Variants in DENND5B observed in about 807,000 individuals in gnomAD.
DENND5B encodes DENN domain containing 5B.
Under a neutral mutation model 140.6 loss-of-function variants are expected in DENND5B, and 34 were observed. The ratio of observed to expected loss-of-function variants is 0.24; its 90% confidence interval spans 0.18 to 0.32. DENND5B has a LOEUF of 0.32. Among genes scored for constraint, DENND5B ranks in the 10% least tolerant of loss-of-function variants. The pLI is 1.00. For missense variants in DENND5B, 1,142 were observed against 1,560.2 expected, an observed-to-expected ratio of 0.73 and a Z score of 4.52; for synonymous variants, 551 against 562.1, an observed-to-expected ratio of 0.98 and a Z score of 0.28.
chr12:31,547,606 C>T (rs529477332), intron 1 of DENND5B, among the ~76,000 whole-genome samples: 2 of 152,132 alleles, frequency 1.3e-5, no homozygotes, highest in Non-Finnish European at 2.9e-5. Flanking sequence ...TCATATTGGT[C>T]AGGCTGGTCT....
At chr12:31,508,298 A>T (rs540960988) in intron 1 of DENND5B, among the ~76,000 whole-genome samples, 3 of 152,324 alleles carry the variant, frequency 2.0e-5, no homozygotes, top group East Asian at 3.9e-4. Flanking sequence ...CACCAAAAAA[A>T]TTTTTATAAG....
At position 31,422,736 on chromosome 12, in the gene DENND5B, T is replaced by A. The variant is rs370382974; in HGVS notation, c.2470+861A>T. ...TTTTTTGTGAAATAAATGGTTATTT[T>A]ACATAAAGAAAAGCATGTGTTGTTG... On this transcript the variant is annotated intron_variant, in intron 11 of 20. Coordinates refer to ENST00000389082, the MANE Select transcript of DENND5B (RefSeq NM_144973.4). Among the ~76,000 whole-genome samples, 4 of 152,324 alleles carry A rather than the reference T, an allele frequency of 2.6e-5. No individual in the cohort carries two copies. The East Asian group carries it at 7.7e-4, about 29-fold the overall frequency.
chr12:31,513,869 A>C, intron 1 of DENND5B, among the ~76,000 whole-genome samples: 1 of 148,852 alleles, frequency 6.7e-6, no homozygotes, highest in Non-Finnish European at 1.5e-5. Flanking sequence ...ACAGGGTCTC[A>C]CTCTGTCACC....
In DENND5B at chr12:31,480,168, C is replaced by G; in HGVS notation, c.325G>C (p.Gly109Arg). The change falls in exon 3 of 21, where the codon GGT becomes CGT. Residue 109 changes from glycine to arginine, a missense_variant. By Grantham distance (125) the Gly-to-Arg change is moderately radical. This residue lies in a region of DENND5B where 708 missense variants were observed against 905.5 expected (regional missense o/e 0.78). Coordinates refer to ENST00000389082, the MANE Select transcript of DENND5B (RefSeq NM_144973.4). ...FHSFIITRED[G>R]SRTYGFVLTF... ...AGAACAAAACCATAGGTGCGAGAAC[C>G]ATCTTCCCTGGTAATTATAAATGAG... The G allele has an allele frequency of 6.2e-7, 1 of 1,605,228 alleles. No individual in the cohort carries two copies. The highest frequency in any genetic ancestry group is 8.5e-7 in the Non-Finnish European group (1 of 1,175,658).
At chr12:31,531,210 T>A (rs2139083760) in intron 1 of DENND5B, among the ~76,000 whole-genome samples, 1 of 152,340 alleles carries the variant, frequency 6.6e-6, no homozygotes, top group Middle Eastern at 3.4e-3. Context: ...TTTTTTCCTT[T>A]TTACTTTGAG....
Position 31,526,397 on chromosome 12 carries a change from G to A in DENND5B, c.128-30478C>T, listed in dbSNP as rs1591983329. ...AAGACGCTAGATAAACTCTGCATTT[G>A]ACCCAGAAAACATGTCAAATCCTAT... On this transcript the variant is annotated intron_variant, in intron 1 of 20. Transcript: ENST00000389082. Among the ~76,000 whole-genome samples, 4 of 152,276 alleles carry A rather than the reference G, an allele frequency of 2.6e-5. 1 individual carries two copies. The highest frequency in any genetic ancestry group is 2.6e-4 in the Admixed American group (4 of 15,280).
chr12:31,515,552 G>A (rs556072287), intron 1 of DENND5B, among the ~76,000 whole-genome samples: 14 of 152,202 alleles, frequency 9.2e-5, no homozygotes, highest in African/African-American at 2.4e-4. Flanking sequence ...TGTTTATTAA[G>A]TTGTACTTCT....
At chr12:31,451,278 G>T (rs968518839) in intron 5 of DENND5B, among the ~76,000 whole-genome samples, 1 of 152,066 alleles carries the variant, frequency 6.6e-6, no homozygotes, top group Non-Finnish European at 1.5e-5. Context: ...AGTATTAACA[G>T]ATTTGGAAAA....
At position 31,576,171 on chromosome 12, in the gene DENND5B, C is replaced by T. The variant is rs369280611; in HGVS notation, c.127+14535G>A. On this transcript the variant is annotated intron_variant, in intron 1 of 20. Transcript: ENST00000389082. ...AAAAAAAAAAAAAGAAGAATGAGGC[C>T]GCGCGCACAGGGGCTCACACCTGTA... Among the ~76,000 whole-genome samples the T allele has an allele frequency of 1.5e-3, 195 of 130,678 alleles. 6 individuals are homozygous for T. The East Asian group carries it at 0.016, about 11-fold the overall frequency. The allele number at this position is 130,678 out of a possible 152,430, so 85.7% of individuals were successfully genotyped here.
chr12:31,459,641 A>T (rs77066152), intron 4 of DENND5B, among the ~76,000 whole-genome samples: 1 of 152,186 alleles, frequency 6.6e-6, no homozygotes, highest in African/African-American at 2.4e-5. Context: ...TATAACTTTA[A>T]GGTGGCATAA....
intron 1 of DENND5B, among the ~76,000 whole-genome samples, chr12:31,510,893 C>T (rs1947385697): frequency 6.6e-6 from 1 of 151,978 alleles, no homozygotes; most frequent in Non-Finnish European, 1.5e-5. Flanking sequence ...CCTACCACAC[C>T]CCTCCTTCCA....
intron 1 of DENND5B, among the ~76,000 whole-genome samples, chr12:31,511,750 G>A (rs1947426021): frequency 6.6e-6 from 1 of 151,786 alleles, no homozygotes; most frequent in African/African-American, 2.4e-5. Context: ...TGTTCGTTGA[G>A]TAAATGGATA....
At chr12:31,532,340 C>G (rs1948316017) in intron 1 of DENND5B, among the ~76,000 whole-genome samples, 5 of 152,030 alleles carry the variant, frequency 3.3e-5, no homozygotes, top group Admixed American at 2.6e-4. Flanking sequence ...GGCAAAGATA[C>G]AGGAAGAGAG....
chr12:31,461,474 AC>A (rs1195247806), intron 3 of DENND5B, among the ~76,000 whole-genome samples: 3 of 152,222 alleles, frequency 2.0e-5, no homozygotes, highest in African/African-American at 7.2e-5. Context: ...GCTGCTTTAT[AC>A]TTACATATGT....
At position 31,489,780 on chromosome 12, in the gene DENND5B, G is replaced by C. The variant is rs570095775; in HGVS notation, c.237+6030C>G. ...TATACAAGGTACTAAGAGAACCTAA[G>C]GTGACCTGAGTGCTGGGAAGACGGT... On this transcript the variant is annotated intron_variant, in intron 2 of 20. Transcript: ENST00000389082. Among the ~76,000 whole-genome samples, 9 of 152,276 alleles carry C rather than the reference G, an allele frequency of 5.9e-5. No individual in the cohort carries two copies. In the East Asian group the frequency reaches 1.7e-3, roughly 29 times the overall value.
chr12:31,420,046 C>T (rs1942950005), intron 11 of DENND5B: 18 of 984,200 alleles, frequency 1.8e-5, no homozygotes, highest in Non-Finnish European at 2.2e-5. Flanking sequence ...TCTACACCTA[C>T]CCCCTGCCAA....
intron 7 of DENND5B, among the ~76,000 whole-genome samples, chr12:31,433,687 G>A (rs778229189): frequency 4.6e-5 from 7 of 152,100 alleles, no homozygotes; most frequent in Non-Finnish European, 1.0e-4. Context: ...TAATTCTAGC[G>A]TCCTAAAAGA....
chr12:31,485,715 A>G (rs1946274911), intron 2 of DENND5B, among the ~76,000 whole-genome samples: 1 of 135,208 alleles, frequency 7.4e-6, no homozygotes, highest in Non-Finnish European at 1.6e-5. Context: ...GAGGCTAAAA[A>G]AGGCAATACA....
At position 31,398,360 on chromosome 12, in the gene DENND5B, A is replaced by T. The variant is rs1472090989; in HGVS notation, c.3071T>A (p.Phe1024Tyr). ...RNEITGHTYR[F>Y]PCGRWLGKGI... ...TTTCCCCAGCCACCGCCCACATGGG[A>T]ATCTGGTAGGACAGAAAACAAGTTT... The change falls in exon 17 of 21, where the codon TTC becomes TAC. Residue 1024 changes from phenylalanine (F) to tyrosine (Y), a missense_variant and splice_region_variant. Around this residue, in one of 5 missense-constraint regions of DENND5B, gnomAD observed 268 missense variants for 349.2 expected, o/e 0.77. Coordinates refer to ENST00000389082, the MANE Select transcript of DENND5B (RefSeq NM_144973.4). The T allele has an allele frequency of 6.5e-7, 1 of 1,542,442 alleles. No homozygotes were observed. Among genetic ancestry groups the T allele is most frequent in the Middle Eastern group, 1.7e-4 (1 of 5,960 alleles).
Sources: allele counts gnomAD v4.1 joint callset (sites outside exome capture counted in the v4.1 genomes callset), GRCh38; gene constraint gnomAD v4.1.1; regional missense constraint gnomAD v4.1.1; transcripts MANE v1.5; gene names NCBI Gene and HGNC (gene_info 2026-07-23, HGNC 2026-07-21).